Variants in MROH2B observed in about 807,000 individuals in gnomAD.
MROH2B encodes maestro heat-like repeat-containing protein family member 2B.
MROH2B carries 177 observed loss-of-function variants against 208.6 expected under a neutral mutation model. The ratio of observed to expected loss-of-function variants is 0.85; its 90% CI spans 0.75 to 0.96. The LOEUF (loss-of-function observed/expected upper bound fraction) is 0.96. Ranked by LOEUF, MROH2B falls within the 40% of genes least tolerant of loss-of-function variation. The probability of loss-of-function intolerance (pLI) is 0.00; values close to 1 mark genes in which losing one functional copy is unlikely to be tolerated. For synonymous variants in MROH2B, 728 were observed against 659.0 expected, an observed-to-expected ratio of 1.10 and a Z score of -1.60; for missense variants, 2,002 against 1,878.7, an observed-to-expected ratio of 1.07 and a Z score of -1.21.
At chr5:41,007,854 G>T (rs918310912) in intron 33 of MROH2B, among the ~76,000 whole-genome samples, 1 of 152,188 alleles carries the variant, frequency 6.6e-6, no homozygotes, top group African/African-American at 2.4e-5. Context: ...ATTCACATGT[G>T]CTGCCTGGTT....
At chr5:41,067,454 C>T (rs982729626) in intron 2 of MROH2B, among the ~76,000 whole-genome samples, 1 of 152,024 alleles carries the variant, frequency 6.6e-6, no homozygotes, top group East Asian at 1.9e-4. Flanking sequence ...GCAACCTCTG[C>T]CTCCTGGGTT....
Position 41,005,423 on chromosome 5 carries a change from C to CTT in MROH2B, c.3864+107_3864+108insAA, listed in dbSNP as rs777438461. On this transcript the variant is annotated intron_variant, in intron 35 of 41. Coordinates refer to ENST00000399564, the MANE Select transcript of MROH2B (RefSeq NM_173489.5). ...TCTCTCCTCTATGAAACCCCCCCCC[C>CTT]CCTTGAAGTCTCTCTTCCCTGGTTC... The CTT allele has an allele frequency of 1.1e-3, 264 of 242,354 alleles. 4 individuals are homozygous for CTT. The highest frequency in any genetic ancestry group is 1.5e-3 in the South Asian group (37 of 24,192). The allele number at this position is 242,354 out of a possible 1,614,324, so 15.0% of individuals were successfully genotyped here.
intron 21 of MROH2B, among the ~76,000 whole-genome samples, chr5:41,037,824 C>T (rs1742812565): frequency 6.6e-6 from 1 of 152,130 alleles, no homozygotes; most frequent in Admixed American, 6.6e-5. Context: ...AACTAACTTC[C>T]CTAGAAAACA....
At chr5:41,050,902 G>T in intron 13 of MROH2B, 75 bp downstream of exon 13, 1 of 960,576 alleles carries the variant, frequency 1.0e-6, no homozygotes, top group Non-Finnish European at 1.5e-6. Context: ...ACAAACTCAT[G>T]TCTTTATTCT....
intron 36 of MROH2B, 71 bp downstream of exon 36, chr5:41,004,703 G>C (rs1449520394): frequency 1.0e-5 from 16 of 1,565,474 alleles, no homozygotes; most frequent in Non-Finnish European, 1.4e-5. Context: ...GCAACAACTA[G>C]GCGTGGGTTA....
rs917630216 is a variant in MROH2B, at chr5:41,000,048, G to T, written c.4482+172C>A. On this transcript the variant is annotated intron_variant, in intron 39 of 41. Transcript: ENST00000399564. ...ACTTGGGAATGGAGCAGAGGGTCCTGTGGCAGGATACCTCTATGTCACTAT... is the reference window on the plus strand; with the variant it reads ...ACTTGGGAATGGAGCAGAGGGTCCTTTGGCAGGATACCTCTATGTCACTAT... The T allele has an allele frequency of 4.7e-6, 4 of 852,362 alleles. No homozygotes were observed. In the African/African-American group the frequency reaches 6.8e-5, roughly 15 times the overall value. The allele number at this position is 852,362 out of a possible 1,614,324, so 52.8% of individuals were successfully genotyped here.
intron 21 of MROH2B, among the ~76,000 whole-genome samples, chr5:41,035,091 A>C (rs1263615927): frequency 3.9e-5 from 6 of 152,288 alleles, no homozygotes; most frequent in South Asian, 4.1e-4. Flanking sequence ...GAATTAGAAA[A>C]AAACTATTAT....
chr5:41,046,245 C>G (rs999998364), intron 17 of MROH2B, among the ~76,000 whole-genome samples: 2 of 150,828 alleles, frequency 1.3e-5, no homozygotes, highest in African/African-American at 4.9e-5. Context: ...AAAAAAAAAC[C>G]CCAAACACGA....
chr5:41,044,659 G>A (rs1171072656), intron 18 of MROH2B, among the ~76,000 whole-genome samples: 1 of 152,172 alleles, frequency 6.6e-6, no homozygotes, highest in Non-Finnish European at 1.5e-5. Flanking sequence ...GGCAGGTTTG[G>A]TAAACCCATT....
chr5:41,038,904 G>T lies in MROH2B; in HGVS notation c.2062-16C>A, dbSNP rs1468624345. 1.9e-6 allele frequency: 3 copies of T among 1,586,322 alleles called. No homozygotes were observed. The highest frequency in any genetic ancestry group is 1.1e-5 in the South Asian group (1 of 88,214). Reference sequence around the variant, plus strand: ...AAAAAAGGCTCTGAAGACCAGGAAAGGGAGACATGAAAAATGTGACTGAAG... The same window carrying T: ...AAAAAAGGCTCTGAAGACCAGGAAATGGAGACATGAAAAATGTGACTGAAG... On this transcript the variant is annotated splice_polypyrimidine_tract_variant and intron_variant, in intron 20 of 41. Coordinates refer to ENST00000399564, the MANE Select transcript of MROH2B (RefSeq NM_173489.5).
At chr5:41,016,021 A>G (rs1357839146) in intron 28 of MROH2B, among the ~76,000 whole-genome samples, 1 of 152,208 alleles carries the variant, frequency 6.6e-6, no homozygotes, top group Non-Finnish European at 1.5e-5. Context: ...ATTTGAATGT[A>G]TATTAATCAT....
intron 24 of MROH2B, among the ~76,000 whole-genome samples, chr5:41,024,959 C>T (rs1310507824): frequency 6.6e-6 from 1 of 152,140 alleles, no homozygotes; most frequent in African/African-American, 2.4e-5. Flanking sequence ...GAAATGAAGG[C>T]AGAAATAAAG....
intron 11 of MROH2B, among the ~76,000 whole-genome samples, chr5:41,054,073 G>A (rs1332287116): frequency 3.3e-5 from 5 of 151,816 alleles, no homozygotes; most frequent in South Asian, 2.1e-4. Flanking sequence ...TCCACCTCCC[G>A]GGCTCAAGTG....
chr5:41,004,561 A>G, intron 36 of MROH2B, 33 bp from the exon 37 acceptor site: 1 of 1,593,082 alleles, frequency 6.3e-7, no homozygotes, highest in Non-Finnish European at 8.5e-7. Context: ...AATCTTGAAA[A>G]TTGTTCTATG....
Position 41,002,000 on chromosome 5 carries a change from G to C in MROH2B, c.4195-1167C>G, listed in dbSNP as rs1171461380. On this transcript the variant is annotated intron_variant, in intron 37 of 41. Coordinates refer to ENST00000399564, the MANE Select transcript of MROH2B (RefSeq NM_173489.5). ...CTAAAAAATGATGGCTTGTTGGGAA[G>C]AGGCCAGAAAAGCTCAGATGTGACT... 3.3e-5 allele frequency among the ~76,000 whole-genome samples: 5 copies of C among 152,132 alleles called. No homozygotes were observed. In the East Asian group the frequency reaches 9.6e-4, roughly 29 times the overall value.
intron 11 of MROH2B, among the ~76,000 whole-genome samples, chr5:41,053,395 C>T (rs2150177431): frequency 6.6e-6 from 1 of 152,224 alleles, no homozygotes; most frequent in Admixed American, 6.5e-5. Context: ...ATTGTCAATT[C>T]TGAAATATAT....
chr5:41,071,128 C>T lies in MROH2B; in HGVS notation c.-276G>A, dbSNP rs1262846809. ...ATGGCTGCATCTCACCAAATATTGT[C>T]CCTTTGGTGACCAGAGTATTTGGGA... On this transcript the variant is annotated 5_prime_UTR_variant, in exon 1 of 42. Coordinates refer to ENST00000399564, the MANE Select transcript of MROH2B (RefSeq NM_173489.5). 4.5e-5 allele frequency: 18 copies of T among 396,044 alleles called. No individual in the cohort carries two copies. The highest frequency in any genetic ancestry group is 7.7e-5 in the Admixed American group (2 of 26,112). The allele number at this position is 396,044 out of a possible 1,614,324, so 24.5% of individuals were successfully genotyped here.
In MROH2B at chr5:41,018,962, A is replaced by G; in HGVS notation, c.2498T>C (p.Ile833Thr). The G allele has an allele frequency of 1.9e-6, 3 of 1,613,844 alleles. No homozygotes were observed. The highest frequency in any genetic ancestry group is 2.5e-6 in the Non-Finnish European group (3 of 1,179,856). Residue 833 changes from isoleucine to threonine, a missense_variant, in exon 25 of 42, where the codon ATT (isoleucine) becomes ACT (threonine). By Grantham distance (89) the Ile-to-Thr change is moderately conservative. Transcript: ENST00000399564. ...AGGTGGAAGGGGCAGCAGCCTCCGA[A>G]TATTCTCCTCAAGAATGTTAAGGTG... ...QDHLNILEEN[I>T]RRLLPLPPLE...
At chr5:41,022,003 A>T (rs2111887829) in intron 24 of MROH2B, among the ~76,000 whole-genome samples, 1 of 152,366 alleles carries the variant, frequency 6.6e-6, no homozygotes, top group Admixed American at 6.5e-5. Context: ...AATTTTTTAA[A>T]AAACAAATTT....
Sources: allele counts gnomAD v4.1 joint callset (sites outside exome capture counted in the v4.1 genomes callset), GRCh38; gene constraint gnomAD v4.1.1; transcripts MANE v1.5; gene names NCBI Gene and HGNC (gene_info 2026-07-23, HGNC 2026-07-21).